Variants in SNTG2 observed in about 807,000 individuals in gnomAD.
The protein encoded by SNTG2 is gamma-2-syntrophin.
SNTG2 carries 74 observed loss-of-function variants against 70.9 expected under a neutral mutation model. The ratio of observed to expected loss-of-function variants is 1.04; its 90% CI spans 0.86 to 1.27. The LOEUF (loss-of-function observed/expected upper bound fraction) is 1.27. Among genes scored for constraint, SNTG2 ranks in the 50% most tolerant of loss-of-function variants. The pLI is 0.00. For missense variants in SNTG2, 717 were observed against 690.7 expected, an observed-to-expected ratio of 1.04 and a Z score of -0.43; for synonymous variants, 278 against 273.8, an observed-to-expected ratio of 1.02 and a Z score of -0.15.
chr2:1,310,955 A>G (rs2148252576), intron 15 of SNTG2, among the ~76,000 whole-genome samples: 1 of 152,280 alleles, frequency 6.6e-6, no homozygotes, highest in African/African-American at 2.4e-5. Context: ...AGCTCCTATA[A>G]TTAAAGCGCA....
intron 2 of SNTG2, among the ~76,000 whole-genome samples, chr2:1,086,981 A>T (rs1422035752): frequency 1.3e-5 from 2 of 152,176 alleles, no homozygotes; most frequent in African/African-American, 4.8e-5. Context: ...AATGGAGCAC[A>T]GAGAGCTGGG....
intron 11 of SNTG2, among the ~76,000 whole-genome samples, chr2:1,241,822 G>A (rs543070523): frequency 6.6e-6 from 1 of 152,262 alleles, no homozygotes; most frequent in Non-Finnish European, 1.5e-5. Flanking sequence ...ATTAAGCCTT[G>A]TGTATTTCAC....
intron 4 of SNTG2, among the ~76,000 whole-genome samples, chr2:1,128,576 G>A (rs887513301): frequency 1.3e-5 from 2 of 152,156 alleles, no homozygotes; most frequent in Admixed American, 6.5e-5. Context: ...AATAGTAAGT[G>A]TTTGATAAAT....
chr2:1,059,852 A>G (rs1380286786), intron 1 of SNTG2, among the ~76,000 whole-genome samples: 2 of 152,320 alleles, frequency 1.3e-5, no homozygotes, highest in East Asian at 1.9e-4. Flanking sequence ...TTTAATTACT[A>G]CAACATACCA....
intron 4 of SNTG2, among the ~76,000 whole-genome samples, chr2:1,137,153 G>A (rs1271436771): frequency 3.9e-5 from 6 of 152,122 alleles, no homozygotes; most frequent in South Asian, 2.1e-4. Flanking sequence ...TGAAGTGGCC[G>A]CCTATTGCTA....
intron 2 of SNTG2, 77 bp from the exon 3 acceptor site, chr2:1,098,119 G>C (rs569998603): frequency 1.3e-6 from 2 of 1,498,830 alleles, no homozygotes; most frequent in Admixed American, 1.8e-5. Flanking sequence ...GGGTTTAAAT[G>C]AAGAATTTCT....
At chr2:1,141,250 G>A (rs1668730632) in intron 6 of SNTG2, among the ~76,000 whole-genome samples, 1 of 152,178 alleles carries the variant, frequency 6.6e-6, no homozygotes, top group African/African-American at 2.4e-5. Flanking sequence ...ATGTGTTATG[G>A]TTAATACTGA....
intron 9 of SNTG2, among the ~76,000 whole-genome samples, chr2:1,220,519 C>T (rs1674683235): frequency 1.3e-5 from 2 of 152,316 alleles, no homozygotes; most frequent in South Asian, 4.1e-4. Context: ...AGGTTGATGA[C>T]ATGTGGGACT....
intron 9 of SNTG2, among the ~76,000 whole-genome samples, chr2:1,213,882 G>A (rs1457435303): frequency 1.3e-5 from 2 of 151,924 alleles, no homozygotes; most frequent in Non-Finnish European, 2.9e-5. Context: ...TAGTTTTATA[G>A]TTTCAGGTCT....
intron 14 of SNTG2, among the ~76,000 whole-genome samples, chr2:1,306,531 G>A (rs1256320852): frequency 6.6e-6 from 1 of 152,232 alleles, no homozygotes; most frequent in African/African-American, 2.4e-5. Context: ...CCACAGGGCC[G>A]AGCACAGCAG....
chr2:1,226,327 A>G (rs999914645), intron 9 of SNTG2, among the ~76,000 whole-genome samples: 1 of 152,204 alleles, frequency 6.6e-6, no homozygotes, highest in Non-Finnish European at 1.5e-5. Context: ...GATTGCTCAG[A>G]ATGTTCTCCA....
intron 8 of SNTG2, among the ~76,000 whole-genome samples, chr2:1,186,636 G>A (rs902272204): frequency 6.6e-6 from 1 of 152,130 alleles, no homozygotes; most frequent in Non-Finnish European, 1.5e-5. Context: ...GGGAGGAAGA[G>A]CAAGAAGGGG....
At chr2:953,661 T>C (rs994822368) in intron 1 of SNTG2, among the ~76,000 whole-genome samples, 3 of 152,164 alleles carry the variant, frequency 2.0e-5, no homozygotes, top group African/African-American at 7.2e-5. Context: ...ATAAGCAAAA[T>C]CCATGCATTA....
intron 16 of SNTG2, among the ~76,000 whole-genome samples, chr2:1,354,565 C>G (rs1186433523): frequency 5.2e-4 from 24 of 46,428 alleles, no homozygotes; most frequent in African/African-American, 7.3e-4. Flanking sequence ...GAAGACCCCG[C>G]GCTGGAGCTC....
At chr2:1,233,093 G>A (rs371448963) in intron 9 of SNTG2, among the ~76,000 whole-genome samples, 48 of 152,210 alleles carry the variant, frequency 3.2e-4, no homozygotes, top group African/African-American at 1.1e-3. Flanking sequence ...AATTTTGTAC[G>A]TTCCAATGTA....
intron 6 of SNTG2, among the ~76,000 whole-genome samples, chr2:1,153,321 C>T (rs1273963866): frequency 6.6e-6 from 1 of 152,142 alleles, no homozygotes; most frequent in Non-Finnish European, 1.5e-5. Flanking sequence ...AGGTTAGTTA[C>T]ATATGTATAT....
chr2:1,367,192 C>G (rs62105578), intron 16 of SNTG2, 151 bp from the exon 17 acceptor site: 2 of 701,518 alleles, frequency 2.9e-6, no homozygotes, highest in East Asian at 6.0e-5. Flanking sequence ...GTTACTCTGC[C>G]TTTTACTTTA....
intron 9 of SNTG2, among the ~76,000 whole-genome samples, chr2:1,224,548 T>C (rs1675633946): frequency 6.6e-6 from 1 of 152,102 alleles, no homozygotes; most frequent in African/African-American, 2.4e-5. Flanking sequence ...CCCAGGCCCC[T>C]CACCTGGAGT....
intron 1 of SNTG2, among the ~76,000 whole-genome samples, chr2:964,559 G>A (rs1660462729): frequency 6.6e-6 from 1 of 152,234 alleles, no homozygotes; most frequent in African/African-American, 2.4e-5. Flanking sequence ...GATGGGAGGA[G>A]GAAGGGCTGG....
Sources: gnomAD v4.1 joint callset for allele counts (sites outside exome capture counted in the v4.1 genomes callset) on GRCh38, gnomAD v4.1.1 for gene constraint, MANE v1.5 for transcripts, NCBI Gene and HGNC (gene_info 2026-07-23, HGNC 2026-07-21) for gene names.